GRIN3B: variants seen among roughly 807,000 people sequenced by gnomAD.
The protein encoded by GRIN3B is glutamate receptor ionotropic, NMDA 3B.
GRIN3B carries 77 observed loss-of-function variants against 66.0 expected under a neutral mutation model. The ratio of observed to expected loss-of-function variants is 1.17; its 90% CI spans 0.97 to 1.41. GRIN3B has a LOEUF of 1.41. GRIN3B is among the 40% of genes most tolerant of loss of function. GRIN3B has a pLI of 0.00. For missense variants in GRIN3B, 1,787 were observed against 1,564.5 expected (o/e 1.14, Z -2.40); for synonymous variants, 823 against 749.7 (o/e 1.10, Z -1.60).
chr19:1,003,628 C>A lies in GRIN3B; in HGVS notation c.925C>A (p.Gln309Lys). The A allele has an allele frequency of 7.0e-7, 1 of 1,425,054 alleles. No individual in the cohort carries two copies. The highest frequency in any genetic ancestry group is 2.8e-5 in the East Asian group (1 of 35,642). 88.3% of individuals were successfully genotyped at this position (1,425,054 alleles called of 1,614,324 possible). A position where few individuals can be genotyped will look rare whatever the true frequency, so the allele number is the denominator to read the frequency against. Residue 309 changes from glutamine to lysine, a missense_variant, in exon 2 of 9, where the codon CAG (glutamine) becomes AAG (lysine). Gln to Lys is a moderately conservative substitution (Grantham distance 53). Transcript: ENST00000234389. ...LVARALGSAA[Q>K]VQPKRALLPA... ...GGCCCGGGCGCTGGGCAGTGCGGCC[C>A]AGGTGCAGCCGAAGCGAGCCCTCCT...
Position 1,000,605 on chromosome 19 carries a change from C to T in GRIN3B, c.168C>T (p.Ala56=). Residue 56 remains alanine, a synonymous_variant, in exon 1 of 9, where the codon GCC becomes GCT. Transcript: ENST00000234389. Reference sequence around the variant, plus strand: ...TCGCCCGCGCCCGCGCCCGCGCCGCCCTGGCCCGGGCCGCCCTGGCGCCGC... The same window carrying T: ...TCGCCCGCGCCCGCGCCCGCGCCGCTCTGGCCCGGGCCGCCCTGGCGCCGC... ...APLARARARA[A]LARAALAPRL... is the part of the protein sequence containing the mutation. 2 of 1,072,654 alleles carry T rather than the reference C, an allele frequency of 1.9e-6. No individual in the cohort carries two copies. The highest frequency in any genetic ancestry group is 6.8e-5 in the East Asian group (1 of 14,800). 66.4% of individuals were successfully genotyped at this position (1,072,654 alleles called of 1,614,324 possible).
Position 1,009,485 on chromosome 19 carries a change from C to CG in GRIN3B, c.3015_3016insG (p.Gln1006AlafsTer75), listed in dbSNP as rs2038820542. 2 of 1,491,332 alleles carry CG rather than the reference C, an allele frequency of 1.3e-6. No homozygotes were observed. The highest frequency in any genetic ancestry group is 4.4e-5 in the Admixed American group (2 of 45,648). 92.4% of individuals were successfully genotyped at this position (1,491,332 alleles called of 1,614,324 possible). A position where few individuals can be genotyped will look rare whatever the true frequency, so the allele number is the denominator to read the frequency against. ...TCCGCCAGGCCCTGGTGCGGCGCGG[C>CG]CAGCTCCTGGCACAGCTCGGGGACA... is the stretch of plus-strand genomic sequence containing the variant. On this transcript the variant is annotated frameshift_variant, in exon 9 of 9. Coordinates refer to ENST00000234389, the MANE Select transcript of GRIN3B (RefSeq NM_138690.3). LOFTEE classifies it low-confidence loss of function (END_TRUNC).
Position 1,008,278 on chromosome 19 carries a change from T to G in GRIN3B, c.2453T>G (p.Phe818Cys). The G allele has an allele frequency of 1.4e-6, 2 of 1,384,666 alleles. No individual in the cohort carries two copies. Among genetic ancestry groups the G allele is most frequent in the South Asian group, 1.1e-5 (1 of 87,588 alleles). 85.8% of individuals were successfully genotyped at this position (1,384,666 alleles called of 1,614,324 possible). A position where few individuals can be genotyped will look rare whatever the true frequency, so the allele number is the denominator to read the frequency against. ...YKMVPCGKRVFAVTETLQMSI... is the reference protein window; with the variant it reads ...YKMVPCGKRVCAVTETLQMSI... ...ATGGTGCCTTGCGGCAAGCGGGTCTTTGCGGTTACAGAGGTGGGGCAGGGC... is the reference window on the plus strand; with the variant it reads ...ATGGTGCCTTGCGGCAAGCGGGTCTGTGCGGTTACAGAGGTGGGGCAGGGC... Residue 818 changes from phenylalanine to cysteine, a missense_variant, in exon 6 of 9, where the codon TTT becomes TGT. Phe to Cys is a radical substitution (Grantham distance 205). Transcript: ENST00000234389.
chr19:1,008,571 G>A (rs752262107), intron 6 of GRIN3B, 47 bp from the exon 7 acceptor site: 1 of 1,570,926 alleles, frequency 6.4e-7, no homozygotes, highest in Non-Finnish European at 8.6e-7. Flanking sequence ...CTCCCCAGGG[G>A]CCTGCCATTA....
rs1317841752 is a variant in GRIN3B at position 1,007,617 on chromosome 19, C to T, written c.2053-11C>T. 4 of 1,488,334 alleles carry T rather than the reference C, an allele frequency of 2.7e-6. No individual in the cohort carries two copies. In the South Asian group the frequency reaches 3.9e-5, roughly 14 times the overall value. The allele number at this position is 1,488,334 out of a possible 1,614,324, so 92.2% of individuals were successfully genotyped here. On this transcript the variant is annotated splice_polypyrimidine_tract_variant and intron_variant, in intron 3 of 8. Coordinates refer to ENST00000234389, the MANE Select transcript of GRIN3B (RefSeq NM_138690.3). This position sits in a 1 kb window ranked among gnomAD's most constrained non-coding sequence, Gnocchi z 4.4. ...GGGCAGGCAGAGGCGCTGACGGGGT[C>T]CCCCGCGCAGCTGCACCACCCGGCG...
In GRIN3B at chr19:1,005,262, C is replaced by T. The variant is rs2038734924; in HGVS notation, c.1761C>T (p.Leu587=). 1 of 1,613,406 alleles carries T rather than the reference C, an allele frequency of 6.2e-7. No individual in the cohort carries two copies. Among genetic ancestry groups the T allele is most frequent in the African/African-American group, 1.3e-5 (1 of 74,936 alleles). ...TGGGCGTCTTTGCGGCCCTGCACCT[C>T]ACCGCGCTCTTCCTCACCGTGTACG... ...TWLGVFAALH[L]TALFLTVYEW... is the part of the protein sequence containing the mutation. The change falls in exon 3 of 9, where the codon CTC becomes CTT. Residue 587 remains leucine (L), a synonymous_variant. Coordinates refer to ENST00000234389, the MANE Select transcript of GRIN3B (RefSeq NM_138690.3). The surrounding 1 kb of genome is among the most constrained non-coding windows in gnomAD (Gnocchi z 5.2).
chr19:1,003,363 C>T lies in GRIN3B; in HGVS notation c.660C>T (p.Ala220=), dbSNP rs1432140810. 3.2e-6 allele frequency: 5 copies of T among 1,575,250 alleles called. No homozygotes were observed. The highest frequency in any genetic ancestry group is 4.3e-6 in the Non-Finnish European group (5 of 1,165,294). ...TGDAGLRARL[A]PMAAPVGGEA... ...ATGCAGGACTGCGGGCACGCCTGGC[C>T]CCGATGGCGGCGCCAGTGGGGGGTG... Residue 220 remains alanine (A), a synonymous_variant, in exon 2 of 9, where the codon GCC becomes GCT. Coordinates refer to ENST00000234389, the MANE Select transcript of GRIN3B (RefSeq NM_138690.3).
At chr19:1,008,069 T>G (rs2038777501) in intron 5 of GRIN3B, 71 bp from the exon 6 acceptor site, 2 of 1,567,736 alleles carry the variant, frequency 1.3e-6, no homozygotes. Flanking sequence ...AGGGGCGAAA[T>G]CCCACGTGTG....
chr19:1,008,671 G>T lies in GRIN3B; in HGVS notation c.2520G>T (p.Leu840=). ...HFAGLFVLLC[L]GLGSALLSSL... is the part of the protein sequence containing the mutation. ...CGGGCCTCTTCGTGTTGCTGTGCCT[G>T]GGCCTGGGCAGCGCTCTGCTCAGCT... Residue 840 remains leucine (L), a synonymous_variant, in exon 7 of 9, where the codon CTG becomes CTT. Transcript: ENST00000234389. 6.2e-7 allele frequency: 1 copy of T among 1,605,374 alleles called. No individual in the cohort carries two copies. The highest frequency in any genetic ancestry group is 2.2e-5 in the East Asian group (1 of 44,866).
rs1015310421 is a variant in GRIN3B, at chr19:1,005,545, G to A, written c.2044G>A (p.Asp682Asn). The A allele has an allele frequency of 1.4e-5, 22 of 1,595,772 alleles. 1 individual carries two copies. Among genetic ancestry groups the A allele is most frequent in the Admixed American group, 5.1e-5 (3 of 58,794 alleles). ...CTTCGAGGAGCTGTCGGGGATCCAC[G>A]ACCCCAAGGTGGGCGGCCTCGGGGG... ...KTFEELSGIH[D>N]PKLHHPAQGF... is the part of the protein sequence containing the mutation. Residue 682 changes from aspartate (D) to asparagine (N), a missense_variant, in exon 3 of 9, where the codon GAC becomes AAC. Transcript: ENST00000234389. This position sits in a 1 kb window ranked among gnomAD's most constrained non-coding sequence, Gnocchi z 5.2.
rs1166292190 is a variant in GRIN3B, at chr19:1,005,690, CAATT to C, written c.2052+142_2052+145del. Reference sequence around the variant, plus strand: ...ACTCTGGTCCCAAGAGACATTTATTCAATTAATTTATTTATTTAAAGAAAAATAG... The same window carrying C: ...ACTCTGGTCCCAAGAGACATTTATTCAATTTATTTATTTAAAGAAAAATAG... On this transcript the variant is annotated intron_variant, in intron 3 of 8. Transcript: ENST00000234389. The surrounding 1 kb of genome is among the most constrained non-coding windows in gnomAD (Gnocchi z 5.2). The C allele has an allele frequency of 3.5e-5, 24 of 682,492 alleles. 1 individual carries two copies. The highest frequency in any genetic ancestry group is 7.2e-5 in the African/African-American group (4 of 55,294). 42.3% of individuals were successfully genotyped at this position (682,492 alleles called of 1,614,324 possible).
chr19:1,007,955 G>A lies in GRIN3B; in HGVS notation c.2298G>A (p.Lys766=), dbSNP rs753978714. Residue 766 remains lysine (K), a synonymous_variant, in exon 5 of 9, where the codon AAG becomes AAA. Coordinates refer to ENST00000234389, the MANE Select transcript of GRIN3B (RefSeq NM_138690.3). This position sits in a 1 kb window ranked among gnomAD's most constrained non-coding sequence, Gnocchi z 4.4. ...ACTGCAAACTGCTGACCGTGGGAAAGCCCTTCGCCATTGAGGGTGAGAGGC... is the reference window on the plus strand; with the variant it reads ...ACTGCAAACTGCTGACCGTGGGAAAACCCTTCGCCATTGAGGGTGAGAGGC... ...DADCKLLTVG[K]PFAIEGYGIG... is the part of the protein sequence containing the mutation. 1 of 1,612,118 alleles carries A rather than the reference G, an allele frequency of 6.2e-7. No homozygotes were observed. The highest frequency in any genetic ancestry group is 1.1e-5 in the South Asian group (1 of 91,084).
rs765270801 is a variant in GRIN3B, at chr19:1,009,164, C to T, written c.2703-9C>T. The stretch of plus-strand genomic sequence containing the variant: ...CGGCGGACACTGACCAGGCCGGTTC[C>T]GTCCCCAGCGGCCCCGAGGTGGAGC... On this transcript the variant is annotated splice_polypyrimidine_tract_variant and intron_variant, in intron 8 of 8. Coordinates refer to ENST00000234389, the MANE Select transcript of GRIN3B (RefSeq NM_138690.3). 6 of 1,459,936 alleles carry T rather than the reference C, an allele frequency of 4.1e-6. No homozygotes were observed. The highest frequency in any genetic ancestry group is 9.0e-7 in the Non-Finnish European group (1 of 1,116,762). The allele number at this position is 1,459,936 out of a possible 1,614,324, so 90.4% of individuals were successfully genotyped here.
At chr19:1,006,713 C>T (rs2038752906) in intron 3 of GRIN3B, among the ~76,000 whole-genome samples, 1 of 152,164 alleles carries the variant, frequency 6.6e-6, no homozygotes, top group Non-Finnish European at 1.5e-5. Flanking sequence ...CTCCCCAGCC[C>T]CTGGTGTCCC....
At chr19:1,004,500 C>CCG in intron 2 of GRIN3B, 21 bp from the exon 3 acceptor site, 2 of 1,478,052 alleles carry the variant, frequency 1.4e-6, no homozygotes, top group Non-Finnish European at 1.8e-6. Flanking sequence ...ACACCTGACA[C>CCG]CCCCCCCGCC....
intron 1 of GRIN3B, chr19:1,002,864 A>C: frequency 3.2e-5 from 12 of 371,482 alleles, no homozygotes; most frequent in Admixed American, 9.0e-5. Flanking sequence ...CATCCGGGGA[A>C]TGGCACATGC....
intron 1 of GRIN3B, among the ~76,000 whole-genome samples, chr19:1,001,734 G>A (rs375132713): frequency 6.6e-6 from 1 of 152,010 alleles, no homozygotes; most frequent in African/African-American, 2.4e-5. Flanking sequence ...CTAGAGGGGG[G>A]GTCTCTTAGC....
rs893088933 is a variant in GRIN3B at position 1,009,721 on chromosome 19, T to C, written c.*119T>C. Reference sequence around the variant, plus strand: ...TACACTGCAATTAAATAGAATGGAATGAGCGCTCCTCCGCATTCCTCCCCG... The same window carrying C: ...TACACTGCAATTAAATAGAATGGAACGAGCGCTCCTCCGCATTCCTCCCCG... On this transcript the variant is annotated 3_prime_UTR_variant, in exon 9 of 9. Coordinates refer to ENST00000234389, the MANE Select transcript of GRIN3B (RefSeq NM_138690.3). 1.1e-6 allele frequency: 1 copy of C among 895,544 alleles called. No individual in the cohort carries two copies. The highest frequency in any genetic ancestry group is 1.5e-6 in the Non-Finnish European group (1 of 652,376). 55.5% of individuals were successfully genotyped at this position (895,544 alleles called of 1,614,324 possible). A position where few individuals can be genotyped will look rare whatever the true frequency, so the allele number is the denominator to read the frequency against.
chr19:1,008,738 A>G lies in GRIN3B; in HGVS notation c.2587A>G (p.Ile863Val), dbSNP rs774047875. The change falls in exon 7 of 9, where the codon ATC becomes GTC. Residue 863 changes from isoleucine (I) to valine (V), a missense_variant. Ile to Val is a conservative substitution (Grantham distance 29, BLOSUM62 3). Coordinates refer to ENST00000234389, the MANE Select transcript of GRIN3B (RefSeq NM_138690.3). ...HAFFRLALPR[I>V]RKGSRLQYWL... ...CTTCTTCCGCCTGGCGCTGCCGCGC[A>G]TCCGCAAGGGGAGCAGGCTGCAGTA... The G allele has an allele frequency of 1.2e-6, 2 of 1,608,298 alleles. No homozygotes were observed. The highest frequency in any genetic ancestry group is 1.7e-6 in the Non-Finnish European group (2 of 1,178,242).
Sources: allele counts gnomAD v4.1 joint callset (sites outside exome capture counted in the v4.1 genomes callset), GRCh38; gene constraint gnomAD v4.1.1; non-coding constraint Gnocchi (gnomAD v3.1); transcripts MANE v1.5; gene names NCBI Gene and HGNC (gene_info 2026-07-23, HGNC 2026-07-21).